Variants in NXN observed in about 807,000 individuals in gnomAD.
The protein encoded by NXN is nucleoredoxin, also known as nucleoredoxin 1.
NXN carries 16 observed loss-of-function variants against 48.6 expected under a neutral mutation model. The observed-to-expected ratio is 0.33, with a 90% CI of 0.22 to 0.50. The LOEUF (loss-of-function observed/expected upper bound fraction) is 0.50. Ranked by LOEUF, NXN falls within the 20% of genes least tolerant of loss-of-function variation. The probability of loss-of-function intolerance (pLI) is 0.98; values close to 1 mark genes in which losing one functional copy is unlikely to be tolerated. For synonymous variants in NXN, 281 were observed against 269.6 expected (o/e 1.04, Z -0.41); for missense variants, 492 against 605.5 (o/e 0.81, Z 1.97).
chr17:808,870 T>G (rs1248955893), intron 5 of NXN, among the ~76,000 whole-genome samples: 1 of 150,962 alleles, frequency 6.6e-6, no homozygotes, highest in Admixed American at 6.6e-5. Context: ...AGAGACGGGG[T>G]TTCACCATGT....
chr17:814,834 C>T (rs1239525952), intron 5 of NXN, among the ~76,000 whole-genome samples: 2 of 151,446 alleles, frequency 1.3e-5, no homozygotes, highest in East Asian at 2.0e-4. Flanking sequence ...GGTGTGATCT[C>T]GGCTCACTAC....
intron 1 of NXN, among the ~76,000 whole-genome samples, chr17:826,472 T>A (rs12603534): frequency 6.6e-6 from 1 of 152,118 alleles, no homozygotes; most frequent in South Asian, 2.1e-4. Flanking sequence ...TCTCTAAAAA[T>A]CACAAAGATG....
At chr17:897,000 C>T (rs1048258159) in intron 1 of NXN, 40 of 1,143,442 alleles carry the variant, frequency 3.5e-5, no homozygotes, top group Non-Finnish European at 4.4e-5. Flanking sequence ...GCGGCAGATA[C>T]ACGGACTCCG....
At position 932,178 on chromosome 17, in the gene NXN, T is replaced by C. The variant is rs2068862107; in HGVS notation, c.360+47141A>G. 6.6e-6 allele frequency among the ~76,000 whole-genome samples: 1 copy of C among 152,158 alleles called. No homozygotes were observed. The highest frequency in any genetic ancestry group is 6.5e-5 in the Admixed American group (1 of 15,278). ...ACAAAACGAACAATTTTAGAAATGT[T>C]TAATTATTTGGAATCCTGGAAAAAA... On this transcript the variant is annotated intron_variant, in intron 1 of 7. Transcript: ENST00000336868. This position sits in a 1 kb window ranked among gnomAD's most constrained non-coding sequence, Gnocchi z 4.1.
At chr17:833,862 G>A (rs1388943130) in intron 1 of NXN, among the ~76,000 whole-genome samples, 1 of 152,046 alleles carries the variant, frequency 6.6e-6, no homozygotes, top group Non-Finnish European at 1.5e-5. Context: ...AACCTAAGAT[G>A]ACGTTAACAG....
intron 5 of NXN, among the ~76,000 whole-genome samples, chr17:805,826 A>AGATTCT (rs1911465813): frequency 6.6e-6 from 1 of 151,926 alleles, no homozygotes; most frequent in Admixed American, 6.5e-5. Context: ...CAACAGAGCA[A>AGATTCT]GATTCTGTCT....
At chr17:850,306 G>A (rs969745407) in intron 1 of NXN, among the ~76,000 whole-genome samples, 5 of 152,204 alleles carry the variant, frequency 3.3e-5, no homozygotes, top group Non-Finnish European at 7.3e-5. Flanking sequence ...TACGAGGTAC[G>A]CAGAGGAAGG....
chr17:840,988 T>G (rs900830422), intron 1 of NXN, among the ~76,000 whole-genome samples: 2 of 152,064 alleles, frequency 1.3e-5, no homozygotes, highest in East Asian at 3.9e-4. Context: ...AGGCAGAGTG[T>G]AGGGTGAGAG....
intron 4 of NXN, among the ~76,000 whole-genome samples, chr17:819,865 G>A (rs970365925): frequency 2.0e-5 from 3 of 152,198 alleles, no homozygotes; most frequent in Non-Finnish European, 2.9e-5. Context: ...GAGCTCAGAT[G>A]TGCACAGCCA....
intron 5 of NXN, 134 bp downstream of exon 5, chr17:819,305 T>C: frequency 1.4e-6 from 1 of 728,048 alleles, no homozygotes; most frequent in Non-Finnish European, 2.4e-6. Context: ...TCTACACTGC[T>C]GAGAAACATG....
chr17:909,828 G>A (rs2940810), intron 1 of NXN: 86,290 of 151,872 alleles, frequency 0.57, 25,008 homozygotes, highest in Admixed American at 0.66. Context: ...CTGAGCCACC[G>A]CGCCCGGCCG....
chr17:922,947 C>T (rs1311917042), intron 1 of NXN, among the ~76,000 whole-genome samples: 1 of 152,002 alleles, frequency 6.6e-6, no homozygotes, highest in South Asian at 2.1e-4. Context: ...CCACCACGCC[C>T]GGCCCACTCT....
intron 1 of NXN, among the ~76,000 whole-genome samples, chr17:912,685 GTAA>G (rs2068647826): frequency 6.6e-6 from 1 of 152,120 alleles, no homozygotes; most frequent in African/African-American, 2.4e-5. Context: ...GCTCACACCT[GTAA>G]TCCCAGCATG....
Position 799,569 on chromosome 17 carries a change from A to G in NXN, c.*1380T>C, listed in dbSNP as rs1020351280. 1.3e-5 allele frequency: 2 copies of G among 152,278 alleles called. No individual in the cohort carries two copies. The highest frequency in any genetic ancestry group is 2.9e-5 in the Non-Finnish European group (2 of 68,110). 9.4% of individuals were successfully genotyped at this position (152,278 alleles called of 1,614,324 possible). ...AGAGTGCTGAGTGGGGCCTGAGTGA[A>G]TGAGGCTAAAACGCTTGGCCGAAGC... On this transcript the variant is annotated 3_prime_UTR_variant, in exon 8 of 8. Transcript: ENST00000336868.
intron 1 of NXN, among the ~76,000 whole-genome samples, chr17:859,930 G>A (rs984220445): frequency 2.6e-5 from 4 of 152,098 alleles, no homozygotes; most frequent in African/African-American, 9.7e-5. Context: ...CCGATCCTGA[G>A]AACCAGCATC....
intron 1 of NXN, among the ~76,000 whole-genome samples, chr17:913,508 G>C (rs768941502): frequency 6.6e-6 from 1 of 152,210 alleles, no homozygotes; most frequent in Non-Finnish European, 1.5e-5. Flanking sequence ...GAGAGCAACA[G>C]GCTGAGAAAG....
intron 1 of NXN, among the ~76,000 whole-genome samples, chr17:872,442 G>C (rs778837779): frequency 4.7e-4 from 72 of 151,984 alleles, no homozygotes; most frequent in African/African-American, 1.3e-3. Context: ...CAAAGACAAG[G>C]AGAGAAAGAG....
chr17:899,411 C>T (rs549749764), intron 1 of NXN, among the ~76,000 whole-genome samples: 11 of 152,284 alleles, frequency 7.2e-5, no homozygotes, highest in East Asian at 1.9e-4. Flanking sequence ...CCTGGATGCC[C>T]GCTCTCCTGA....
intron 5 of NXN, among the ~76,000 whole-genome samples, chr17:816,454 C>A (rs1270257311): frequency 6.6e-6 from 1 of 152,018 alleles, no homozygotes; most frequent in South Asian, 2.1e-4. Context: ...TCTGCACGTG[C>A]GGTTCCGTCT....
Sources: allele counts gnomAD v4.1 joint callset (sites outside exome capture counted in the v4.1 genomes callset), GRCh38; gene constraint gnomAD v4.1.1; non-coding constraint Gnocchi (gnomAD v3.1); transcripts MANE v1.5; gene names NCBI Gene and HGNC (gene_info 2026-07-23, HGNC 2026-07-21).